MLLT3: variants seen among roughly 807,000 people sequenced by gnomAD.
MLLT3 encodes MLLT3 super elongation complex subunit.
Under a neutral mutation model 53.2 loss-of-function variants are expected in MLLT3, and 4 were observed. The ratio of observed to expected loss-of-function variants is 0.08; its 90% CI spans 0.04 to 0.17. The LOEUF is 0.17. Among genes scored for constraint, MLLT3 ranks in the 10% least tolerant of loss-of-function variants. MLLT3 has a pLI of 1.00. For synonymous variants in MLLT3, 283 were observed against 230.6 expected, an observed-to-expected ratio of 1.23 and a Z score of -2.06; for missense variants, 569 against 684.0, an observed-to-expected ratio of 0.83 and a Z score of 1.87.
chr9:20,413,118 T>A (rs913471880), intron 5 of MLLT3, among the ~76,000 whole-genome samples: 1 of 152,130 alleles, frequency 6.6e-6, no homozygotes, highest in Non-Finnish European at 1.5e-5. Context: ...AAATATTAAA[T>A]ATTCTCTTTC....
chr9:20,375,020 A>C (rs896554347), intron 5 of MLLT3, among the ~76,000 whole-genome samples: 3 of 152,234 alleles, frequency 2.0e-5, no homozygotes, highest in Admixed American at 1.3e-4. Context: ...ATGTGAGGAC[A>C]CAGCAAGAAC....
At chr9:20,407,450 T>C (rs1424157915) in intron 5 of MLLT3, among the ~76,000 whole-genome samples, 1 of 152,160 alleles carries the variant, frequency 6.6e-6, no homozygotes, top group Non-Finnish European at 1.5e-5. Context: ...AATCCACCTA[T>C]GAGGACAACC....
At chr9:20,428,411 T>C (rs1440367517) in intron 4 of MLLT3, among the ~76,000 whole-genome samples, 1 of 151,948 alleles carries the variant, frequency 6.6e-6, no homozygotes, top group Non-Finnish European at 1.5e-5. Flanking sequence ...AACGTTTTAA[T>C]GTTTTTAAAA....
At chr9:20,385,921 G>A (rs1268835742) in intron 5 of MLLT3, among the ~76,000 whole-genome samples, 3 of 152,152 alleles carry the variant, frequency 2.0e-5, no homozygotes, top group Non-Finnish European at 2.9e-5. Flanking sequence ...ATGCTAAGGT[G>A]TATTCTGAAG....
At chr9:20,502,228 G>T (rs1332456362) in intron 2 of MLLT3, 1 of 154,078 alleles carries the variant, frequency 6.5e-6, no homozygotes, top group Non-Finnish European at 1.5e-5. Context: ...GCTTGACAGG[G>T]CACCACAAAT....
intron 2 of MLLT3, among the ~76,000 whole-genome samples, chr9:20,507,058 C>T (rs1342535315): frequency 6.6e-6 from 1 of 152,182 alleles, no homozygotes; most frequent in Non-Finnish European, 1.5e-5. Flanking sequence ...CCCCTAAAAC[C>T]TTTAACAAGT....
At chr9:20,398,805 T>A (rs146780037) in intron 5 of MLLT3, among the ~76,000 whole-genome samples, 60 of 152,252 alleles carry the variant, frequency 3.9e-4, no homozygotes, top group African/African-American at 1.3e-3. Context: ...GACTCTGACA[T>A]CCCTCTGCTG....
intron 5 of MLLT3, among the ~76,000 whole-genome samples, chr9:20,393,672 A>C (rs1008726961): frequency 1.3e-5 from 2 of 152,206 alleles, no homozygotes; most frequent in African/African-American, 4.8e-5. Flanking sequence ...GCCTTACATA[A>C]CCACTTTTTA....
chr9:20,600,044 C>T (rs623001), intron 2 of MLLT3, among the ~76,000 whole-genome samples: 62,091 of 150,710 alleles, frequency 0.41, 13,353 homozygotes, highest in Middle Eastern at 0.5. Flanking sequence ...GATGAAAATC[C>T]ATCTTTGACA....
chr9:20,383,434 G>A (rs140045824), intron 5 of MLLT3, among the ~76,000 whole-genome samples: 90 of 151,906 alleles, frequency 5.9e-4, no homozygotes, highest in African/African-American at 2.0e-3. Flanking sequence ...AACCTGGTTT[G>A]AATCTCAGTT....
chr9:20,373,467 G>A (rs1306082161), intron 5 of MLLT3, among the ~76,000 whole-genome samples: 2 of 152,194 alleles, frequency 1.3e-5, no homozygotes, highest in African/African-American at 4.8e-5. Flanking sequence ...TCACAGGGGA[G>A]GCCTGCATAA....
intron 5 of MLLT3, among the ~76,000 whole-genome samples, chr9:20,378,124 T>C (rs1467245708): frequency 2.1e-5 from 3 of 143,692 alleles, no homozygotes; most frequent in Non-Finnish European, 4.4e-5. Flanking sequence ...CTTTTACTTT[T>C]AAATTTTCAA....
intron 2 of MLLT3, among the ~76,000 whole-genome samples, chr9:20,535,152 C>G (rs1276997437): frequency 6.6e-6 from 1 of 152,174 alleles, no homozygotes; most frequent in African/African-American, 2.4e-5. Flanking sequence ...GCTCCACCTC[C>G]TCTCAGATCA....
At chr9:20,352,568 C>A (rs1276447800) in intron 10 of MLLT3, among the ~76,000 whole-genome samples, 1 of 152,072 alleles carries the variant, frequency 6.6e-6, no homozygotes, top group African/African-American at 2.4e-5. Context: ...GGTCTGTAGT[C>A]TTTTGTTCAA....
chr9:20,538,195 T>A (rs1463034752), intron 2 of MLLT3, among the ~76,000 whole-genome samples: 3 of 152,168 alleles, frequency 2.0e-5, no homozygotes, highest in Non-Finnish European at 4.4e-5. Context: ...AAATTCAAAG[T>A]AATAAAATAT....
At chr9:20,436,001 C>T (rs527634046) in intron 4 of MLLT3, among the ~76,000 whole-genome samples, 5 of 152,094 alleles carry the variant, frequency 3.3e-5, no homozygotes, top group African/African-American at 1.2e-4. Flanking sequence ...TAAACTAATT[C>T]TATTAAAGGG....
At chr9:20,450,078 T>C (rs1823801736) in intron 3 of MLLT3, among the ~76,000 whole-genome samples, 1 of 152,234 alleles carries the variant, frequency 6.6e-6, no homozygotes, top group East Asian at 1.9e-4. Flanking sequence ...TTCATATGTG[T>C]CTTTTGTCCT....
intron 2 of MLLT3, among the ~76,000 whole-genome samples, chr9:20,517,815 G>A (rs1165550348): frequency 2.0e-5 from 3 of 151,698 alleles, no homozygotes; most frequent in Admixed American, 6.6e-5. Context: ...TGCAGCCTGG[G>A]AGACAAGAGC....
At chr9:20,595,765 A>G (rs1820245348) in intron 2 of MLLT3, among the ~76,000 whole-genome samples, 1 of 152,250 alleles carries the variant, frequency 6.6e-6, no homozygotes, top group East Asian at 1.9e-4. Flanking sequence ...ACACGATTTT[A>G]TATAAAAAGT....
Sources: gnomAD v4.1 joint callset for allele counts (sites outside exome capture counted in the v4.1 genomes callset) on GRCh38, gnomAD v4.1.1 for gene constraint, MANE v1.5 for transcripts, NCBI Gene and HGNC (gene_info 2026-07-23, HGNC 2026-07-21) for gene names.